The following ADCY1 variants were observed in gnomAD, a reference collection of about 807,000 sequenced individuals.
The protein encoded by ADCY1 is adenylate cyclase 1, also known as adenylate cyclase type 1.
ADCY1 carries 28 observed loss-of-function variants against 105.4 expected under a neutral mutation model. That is an observed-to-expected ratio of 0.27 (90% CI 0.20 to 0.36). The LOEUF (loss-of-function observed/expected upper bound fraction) is 0.36. Among genes scored for constraint, ADCY1 ranks in the 10% least tolerant of loss-of-function variants. The pLI is 1.00. For synonymous variants in ADCY1, 655 were observed against 623.8 expected (o/e 1.05, Z -0.75); for missense variants, 977 against 1,434.2 (o/e 0.68, Z 5.15).
At chr7:45,630,117 G>A (rs968855173) in intron 4 of ADCY1, among the ~76,000 whole-genome samples, 1 of 151,942 alleles carries the variant, frequency 6.6e-6, no homozygotes, top group African/African-American at 2.4e-5. Context: ...TTTTATTTGG[G>A]TTGACTTTTT....
intron 14 of ADCY1, among the ~76,000 whole-genome samples, chr7:45,687,475 A>G (rs2471240): frequency 0.6 from 90,953 of 152,100 alleles, 27,768 homozygotes; most frequent in East Asian, 0.79. Flanking sequence ...AGGTGAGGCA[A>G]TCAAACATTT....
intron 4 of ADCY1, among the ~76,000 whole-genome samples, chr7:45,632,832 A>G (rs1412024485): frequency 6.6e-6 from 1 of 152,138 alleles, no homozygotes; most frequent in African/African-American, 2.4e-5. Flanking sequence ...GGCCTCGCAA[A>G]GTTGCAGGGA....
chr7:45,652,943 C>A (rs890596163), intron 5 of ADCY1, among the ~76,000 whole-genome samples: 3 of 152,224 alleles, frequency 2.0e-5, no homozygotes, highest in African/African-American at 7.2e-5. Flanking sequence ...TGGCCCTGGG[C>A]AGTCTGACCC....
intron 8 of ADCY1, among the ~76,000 whole-genome samples, chr7:45,671,310 C>T (rs138621211): frequency 1.3e-5 from 2 of 152,178 alleles, no homozygotes; most frequent in African/African-American, 2.4e-5. Flanking sequence ...TATGGATAGA[C>T]CACTGTTTGT....
intron 1 of ADCY1, among the ~76,000 whole-genome samples, chr7:45,578,936 T>C (rs1792435002): frequency 6.6e-6 from 1 of 152,226 alleles, no homozygotes; most frequent in South Asian, 2.1e-4. Flanking sequence ...ATGCTTTCAA[T>C]TTCGTTGCTT....
intron 19 of ADCY1, among the ~76,000 whole-genome samples, chr7:45,712,532 C>A (rs1785280798): frequency 6.6e-6 from 1 of 152,176 alleles, no homozygotes; most frequent in South Asian, 2.1e-4. Context: ...CAGGATATCA[C>A]CCTTGCACTC....
chr7:45,656,634 G>A lies in ADCY1; in HGVS notation c.1149-1093G>A, dbSNP rs2116098122. Among the ~76,000 whole-genome samples, 2 of 152,300 alleles carry A rather than the reference G, an allele frequency of 1.3e-5. 1 individual carries two copies. Among genetic ancestry groups the A allele is most frequent in the South Asian group, 4.2e-4 (2 of 4,816 alleles). On this transcript the variant is annotated intron_variant, in intron 5 of 19. Coordinates refer to ENST00000297323, the MANE Select transcript of ADCY1 (RefSeq NM_021116.4). ...AGGTGCTCCCTGAGCCTTGGCTGGG[G>A]CTCCAGGAAGCAGGCCACAGTGGGA... is the stretch of plus-strand genomic sequence containing the variant.
chr7:45,694,758 AT>A (rs1305399591), intron 14 of ADCY1, among the ~76,000 whole-genome samples: 3 of 152,168 alleles, frequency 2.0e-5, no homozygotes, highest in Non-Finnish European at 4.4e-5. Flanking sequence ...TCTCAGACTA[AT>A]TTTGTCCGCT....
chr7:45,590,694 G>C (rs151246559), intron 1 of ADCY1, among the ~76,000 whole-genome samples: 322 of 152,160 alleles, frequency 2.1e-3, no homozygotes, highest in African/African-American at 7.3e-3. Context: ...AGATCTTCAG[G>C]GTCATAGTGG....
intron 8 of ADCY1, among the ~76,000 whole-genome samples, chr7:45,670,365 C>A (rs901812754): frequency 6.6e-6 from 1 of 152,196 alleles, no homozygotes; most frequent in African/African-American, 2.4e-5. Flanking sequence ...CAGTCAGTAA[C>A]CCAGGACACA....
At chr7:45,671,302 T>C (rs866028567) in intron 8 of ADCY1, among the ~76,000 whole-genome samples, 3 of 152,236 alleles carry the variant, frequency 2.0e-5, no homozygotes, top group African/African-American at 7.2e-5. Flanking sequence ...CTTCATGGTA[T>C]GGATAGACCA....
At chr7:45,696,796 A>T (rs1368928791) in intron 14 of ADCY1, among the ~76,000 whole-genome samples, 1 of 152,132 alleles carries the variant, frequency 6.6e-6, no homozygotes, top group Non-Finnish European at 1.5e-5. Context: ...AAGACCCCAG[A>T]AGTTGCTTTC....
In ADCY1 at chr7:45,716,025, G is replaced by A. The variant is rs532395805; in HGVS notation, c.*2030G>A. The A allele has an allele frequency of 1.3e-5, 2 of 152,670 alleles. No homozygotes were observed. Among genetic ancestry groups the A allele is most frequent in the African/African-American group, 2.4e-5 (1 of 41,462 alleles). 9.5% of individuals were successfully genotyped at this position (152,670 alleles called of 1,614,324 possible). A position where few individuals can be genotyped will look rare whatever the true frequency, so the allele number is the denominator to read the frequency against. Reference sequence around the variant, plus strand: ...GTAGGCTGACCCCATGGACCCACTGGAGACTTTGAGGGCAGAGCTCGGGCA... The same window carrying A: ...GTAGGCTGACCCCATGGACCCACTGAAGACTTTGAGGGCAGAGCTCGGGCA... On this transcript the variant is annotated 3_prime_UTR_variant, in exon 20 of 20. Transcript: ENST00000297323.
chr7:45,590,486 G>C (rs1291993641), intron 1 of ADCY1, among the ~76,000 whole-genome samples: 1 of 152,066 alleles, frequency 6.6e-6, no homozygotes, highest in Non-Finnish European at 1.5e-5. Context: ...TGGCCCCTGG[G>C]TCTTCCAGCT....
chr7:45,610,736 G>GTTAGGAGGTGATGGTGGATA (rs1793519894), intron 3 of ADCY1, among the ~76,000 whole-genome samples: 1 of 101,090 alleles, frequency 9.9e-6, no homozygotes, highest in Non-Finnish European at 2.2e-5. Context: ...GATAGTGGAG[G>GTTAGGAGGTGATGGTGGATA]TGGGGAGGTG....
intron 14 of ADCY1, among the ~76,000 whole-genome samples, chr7:45,696,814 G>A (rs184241840): frequency 5.9e-5 from 9 of 152,308 alleles, no homozygotes; most frequent in Middle Eastern, 3.4e-3. Flanking sequence ...TTCTGCCCAC[G>A]GAGTGGGCAG....
At chr7:45,625,417 A>C (rs1318860375) in intron 4 of ADCY1, among the ~76,000 whole-genome samples, 1 of 152,092 alleles carries the variant, frequency 6.6e-6, no homozygotes, top group Non-Finnish European at 1.5e-5. Context: ...GTGGAGTGAG[A>C]GATGTATTGA....
chr7:45,702,046 G>A (rs955751913), intron 14 of ADCY1, among the ~76,000 whole-genome samples: 15 of 152,196 alleles, frequency 9.9e-5, no homozygotes, highest in African/African-American at 3.6e-4. Flanking sequence ...GCCCTGCCTG[G>A]CTTCACACAC....
At chr7:45,621,396 G>C (rs1466831252) in intron 3 of ADCY1, among the ~76,000 whole-genome samples, 1 of 152,152 alleles carries the variant, frequency 6.6e-6, no homozygotes, top group African/African-American at 2.4e-5. Context: ...TAAATCCCAA[G>C]CACCTAGAGC....
Sources: allele counts gnomAD v4.1 joint callset (sites outside exome capture counted in the v4.1 genomes callset), GRCh38; gene constraint gnomAD v4.1.1; transcripts MANE v1.5; gene names NCBI Gene and HGNC (gene_info 2026-07-23, HGNC 2026-07-21).